The following GALNTL6 variants were observed in gnomAD, a reference collection of about 807,000 sequenced individuals.
The protein encoded by GALNTL6 is polypeptide N-acetylgalactosaminyltransferase like 6, also known as polypeptide N-acetylgalactosaminyltransferase-like 6.
A neutral mutation model predicts 73.7 loss-of-function variants in GALNTL6; 46 were observed. That is an observed-to-expected ratio of 0.62 (90% CI 0.49 to 0.80). GALNTL6 has a LOEUF of 0.80. Ranked by LOEUF, GALNTL6 falls within the 30% of genes least tolerant of loss-of-function variation. GALNTL6 has a pLI of 0.00. For synonymous variants in GALNTL6, 259 were observed against 263.7 expected (o/e 0.98, Z 0.17); for missense variants, 604 against 755.0 (o/e 0.80, Z 2.34).
At chr4:172,299,222 A>C (rs1378138615) in intron 3 of GALNTL6, among the ~76,000 whole-genome samples, 4 of 151,986 alleles carry the variant, frequency 2.6e-5, no homozygotes, top group African/African-American at 9.7e-5. Flanking sequence ...TATCCCCTTT[A>C]TCATTTTTTA....
chr4:172,997,232 A>AT (rs1455581447), intron 10 of GALNTL6, among the ~76,000 whole-genome samples: 6 of 152,012 alleles, frequency 3.9e-5, no homozygotes, highest in Admixed American at 2.6e-4. Context: ...CTAAAATGAC[A>AT]TTTTTTCCAG....
rs147493121 is a variant in GALNTL6, at chr4:172,801,924, T to C, written c.554-7437T>C. 1.9e-3 allele frequency among the ~76,000 whole-genome samples: 283 copies of C among 152,264 alleles called. 2 individuals are homozygous for C. The highest frequency in any genetic ancestry group is 6.5e-3 in the African/African-American group (270 of 41,534). ...ATGATGATAAGGATGATGACCTTCATGATGATCCACTTCCATTTAATAAAC... is the reference window on the plus strand; with the variant it reads ...ATGATGATAAGGATGATGACCTTCACGATGATCCACTTCCATTTAATAAAC... On this transcript the variant is annotated intron_variant, in intron 5 of 12. Transcript: ENST00000506823.
chr4:172,492,023 A>C (rs1180684468), intron 5 of GALNTL6, among the ~76,000 whole-genome samples: 5 of 152,158 alleles, frequency 3.3e-5, no homozygotes, highest in Non-Finnish European at 7.4e-5. Context: ...CCTGCCAGGT[A>C]CTATGTTAGG....
At chr4:172,288,376 C>A (rs1561007785) in intron 3 of GALNTL6, among the ~76,000 whole-genome samples, 4 of 152,152 alleles carry the variant, frequency 2.6e-5, no homozygotes. Flanking sequence ...CAGGCATGAG[C>A]CACAGCGCCT....
rs1747276925 is a variant in GALNTL6, at chr4:172,912,701, A to G, written c.1042-18460A>G. On this transcript the variant is annotated intron_variant, in intron 8 of 12. Transcript: ENST00000506823. ...TGCCATTGCTGAGGCTTGACTAGGT[A>G]AACAAAGCGGTGGGGAAGCTTGAAC... is the stretch of plus-strand genomic sequence containing the variant. Among the ~76,000 whole-genome samples, 4 of 152,314 alleles carry G rather than the reference A, an allele frequency of 2.6e-5. No homozygotes were observed. The South Asian group carries it at 8.3e-4, about 32-fold the overall frequency.
At chr4:172,319,224 G>A (rs1030431837) in intron 4 of GALNTL6, among the ~76,000 whole-genome samples, 7 of 152,166 alleles carry the variant, frequency 4.6e-5, no homozygotes, top group Non-Finnish European at 7.3e-5. Flanking sequence ...TATTGTTAAA[G>A]TAATCACTAG....
chr4:172,882,706 C>G, intron 7 of GALNTL6, 84 bp from the exon 8 acceptor site: 1 of 925,196 alleles, frequency 1.1e-6, no homozygotes, highest in Non-Finnish European at 1.8e-6. Context: ...TAAAACATAT[C>G]TTGAATTTTA....
intron 2 of GALNTL6, among the ~76,000 whole-genome samples, chr4:172,157,219 A>C (rs1734314100): frequency 6.6e-6 from 1 of 152,226 alleles, no homozygotes; most frequent in Admixed American, 6.5e-5. Context: ...CTCACTGCTT[A>C]TCTGTAGGTA....
chr4:172,345,503 T>A (rs1578978259), intron 4 of GALNTL6, among the ~76,000 whole-genome samples: 1 of 152,294 alleles, frequency 6.6e-6, no homozygotes, highest in Middle Eastern at 3.4e-3. Flanking sequence ...AATCGTTTTT[T>A]AAAAACTTAT....
At chr4:172,813,360 C>T (rs1318376905) in intron 6 of GALNTL6, among the ~76,000 whole-genome samples, 180 bp from the exon 7 acceptor site, 5 of 152,110 alleles carry the variant, frequency 3.3e-5, no homozygotes, top group African/African-American at 1.2e-4. Flanking sequence ...TGGACCTAAT[C>T]GCTGTCCCAT....
chr4:172,932,570 A>G (rs1287627921), intron 9 of GALNTL6, among the ~76,000 whole-genome samples: 1 of 152,204 alleles, frequency 6.6e-6, no homozygotes, highest in East Asian at 1.9e-4. Context: ...CAGGCTGAGT[A>G]TCCCTCATCC....
intron 9 of GALNTL6, among the ~76,000 whole-genome samples, chr4:172,948,618 A>ATTTTTT (rs369982668): frequency 7.3e-6 from 1 of 136,542 alleles, no homozygotes. Flanking sequence ...AGCCTCGCTA[A>ATTTTTT]TTTTTTTTTT....
chr4:172,279,037 C>T (rs1738937795), intron 3 of GALNTL6, among the ~76,000 whole-genome samples: 1 of 152,166 alleles, frequency 6.6e-6, no homozygotes, highest in Non-Finnish European at 1.5e-5. Flanking sequence ...AAGTTGGACC[C>T]ATACTTTGCA....
chr4:172,286,423 T>C (rs1009365866), intron 3 of GALNTL6, among the ~76,000 whole-genome samples: 1 of 151,984 alleles, frequency 6.6e-6, no homozygotes. Flanking sequence ...ATAAATAGGA[T>C]GAGGAGGGAG....
chr4:172,293,417 A>C (rs565807440), intron 3 of GALNTL6, among the ~76,000 whole-genome samples: 1 of 146,980 alleles, frequency 6.8e-6, no homozygotes, highest in East Asian at 2.0e-4. Context: ...AAATATGATT[A>C]TATATGCATT....
chr4:172,487,272 C>CT (rs144945614), intron 5 of GALNTL6, among the ~76,000 whole-genome samples: 3 of 127,800 alleles, frequency 2.3e-5, no homozygotes, highest in African/African-American at 9.5e-5. Context: ...CCTTCCTTTC[C>CT]TCTTTCTTTC....
intron 5 of GALNTL6, among the ~76,000 whole-genome samples, chr4:172,772,736 A>G (rs1252445837): frequency 1.3e-5 from 2 of 151,776 alleles, no homozygotes; most frequent in African/African-American, 2.4e-5. Context: ...GGCCCCAAAG[A>G]TATTTAGGTC....
intron 5 of GALNTL6, among the ~76,000 whole-genome samples, chr4:172,790,769 C>T (rs1313925852): frequency 6.6e-6 from 1 of 151,886 alleles, no homozygotes; most frequent in African/African-American, 2.4e-5. Flanking sequence ...TGATGTGCAC[C>T]TGTAATCCCA....
intron 2 of GALNTL6, among the ~76,000 whole-genome samples, chr4:172,201,498 C>G: frequency 6.6e-6 from 1 of 151,456 alleles, no homozygotes; most frequent in Non-Finnish European, 1.5e-5. Flanking sequence ...AGCCACGGCA[C>G]CGGGACTAGT....
Sources: gnomAD v4.1 joint callset for allele counts (sites outside exome capture counted in the v4.1 genomes callset) on GRCh38, gnomAD v4.1.1 for gene constraint, MANE v1.5 for transcripts, NCBI Gene and HGNC (gene_info 2026-07-23, HGNC 2026-07-21) for gene names.